Variants in TAFA2 observed in about 807,000 individuals in gnomAD.
TAFA2 encodes chemokine-like protein TAFA-2.
Under a neutral mutation model 18.8 loss-of-function variants are expected in TAFA2, and 7 were observed. The ratio of observed to expected loss-of-function variants is 0.37; its 90% CI spans 0.21 to 0.70. TAFA2 has a LOEUF of 0.70. Ranked by LOEUF, TAFA2 falls within the 30% of genes least tolerant of loss-of-function variation. The pLI, the probability that TAFA2 is intolerant of heterozygous loss-of-function variation, is 0.53. For missense variants in TAFA2, 122 were observed against 158.1 expected, an observed-to-expected ratio of 0.77 and a Z score of 1.23; for synonymous variants, 60 against 54.2, an observed-to-expected ratio of 1.11 and a Z score of -0.47.
intron 1 of TAFA2, among the ~76,000 whole-genome samples, chr12:61,979,427 T>C (rs1159000382): frequency 6.6e-6 from 1 of 151,960 alleles, no homozygotes; most frequent in African/African-American, 2.4e-5. Context: ...ATCATATGAA[T>C]AAAAAATGGA....
chr12:61,966,539 A>G (rs1298831575), intron 1 of TAFA2, among the ~76,000 whole-genome samples: 1 of 151,918 alleles, frequency 6.6e-6, no homozygotes, highest in African/African-American at 2.4e-5. Context: ...AAACCATACC[A>G]TTCACCAACA....
At chr12:62,106,276 G>A (rs750593252) in intron 1 of TAFA2, among the ~76,000 whole-genome samples, 33 of 152,114 alleles carry the variant, frequency 2.2e-4, no homozygotes, top group Non-Finnish European at 4.4e-4. Flanking sequence ...AGACATTGCA[G>A]TGAGCCGAGA....
At chr12:61,871,909 A>T (rs1318781171) in intron 1 of TAFA2, among the ~76,000 whole-genome samples, 1 of 152,166 alleles carries the variant, frequency 6.6e-6, no homozygotes, top group East Asian at 1.9e-4. Context: ...TGGCTAACAC[A>T]GTGAAACCCT....
intron 2 of TAFA2, among the ~76,000 whole-genome samples, chr12:61,784,997 TATATA>T (rs1291956950): frequency 6.6e-6 from 1 of 151,684 alleles, no homozygotes; most frequent in Non-Finnish European, 1.5e-5. Flanking sequence ...TATTTGAAAC[TATATA>T]ATATATTATT....
chr12:62,052,250 C>T (rs1170921012), intron 1 of TAFA2, among the ~76,000 whole-genome samples: 1 of 152,148 alleles, frequency 6.6e-6, no homozygotes, highest in Non-Finnish European at 1.5e-5. Context: ...GACTGGAAGG[C>T]AGTGGCATGA....
chr12:61,990,337 A>AT (rs71083969), intron 1 of TAFA2, among the ~76,000 whole-genome samples: 39,743 of 107,324 alleles, frequency 0.37, 8,277 homozygotes, highest in Middle Eastern at 0.42. Context: ...CACTGTGCCA[A>AT]TTTTTTTTTT....
At chr12:61,935,881 G>C (rs1242304956) in intron 1 of TAFA2, among the ~76,000 whole-genome samples, 1 of 150,966 alleles carries the variant, frequency 6.6e-6, no homozygotes, top group African/African-American at 2.4e-5. Flanking sequence ...CAAACAAAAA[G>C]ATCTCTGGAC....
intron 1 of TAFA2, among the ~76,000 whole-genome samples, chr12:62,119,276 T>C (rs1001405100): frequency 5.3e-5 from 8 of 152,122 alleles, no homozygotes; most frequent in Non-Finnish European, 8.8e-5. Context: ...TTATATAATG[T>C]TTTCTTAAAT....
At chr12:62,013,786 T>TA (rs1880843047) in intron 1 of TAFA2, among the ~76,000 whole-genome samples, 1 of 152,218 alleles carries the variant, frequency 6.6e-6, no homozygotes, top group African/African-American at 2.4e-5. Context: ...AGTGTAAATA[T>TA]AACAAACTAG....
rs1441153863 is a variant in TAFA2 at position 62,191,346 on chromosome 12, G to C, written c.-89C>G. On this transcript the variant is annotated 5_prime_UTR_variant, in exon 1 of 5. Transcript: ENST00000416284. The stretch of plus-strand genomic sequence containing the variant: ...GCGCCAGCCTTATCGCTCTCGCATC[G>C]CTTCCAAGATGCCAATCCGCCGTCA... 6.6e-6 allele frequency: 1 copy of C among 152,330 alleles called. No homozygotes were observed. Among genetic ancestry groups the C allele is most frequent in the Non-Finnish European group, 1.5e-5 (1 of 68,124 alleles). 9.4% of individuals were successfully genotyped at this position (152,330 alleles called of 1,614,324 possible).
intron 2 of TAFA2, among the ~76,000 whole-genome samples, chr12:61,852,412 ATG>A (rs1268449939): frequency 4.6e-5 from 7 of 152,156 alleles, no homozygotes. Flanking sequence ...ATAGGAAAAA[ATG>A]TGGCTGAGAA....
intron 1 of TAFA2, among the ~76,000 whole-genome samples, chr12:61,893,210 T>C (rs1282464632): frequency 6.6e-6 from 1 of 152,118 alleles, no homozygotes. Flanking sequence ...AGGGGTTGAA[T>C]AGGATGAGCT....
Position 61,815,579 on chromosome 12 carries a change from C to T in TAFA2, c.106+51741G>A, listed in dbSNP as rs1360204295. ...TCGGGAGGCTGAGGCGGGAGAATGG[C>T]GTGAACCCAGGAGGTGGAGCTTGCA... On this transcript the variant is annotated intron_variant, in intron 2 of 4. Transcript: ENST00000416284. Among the ~76,000 whole-genome samples the T allele has an allele frequency of 2.7e-5, 4 of 150,282 alleles. 1 individual carries two copies. Among genetic ancestry groups the T allele is most frequent in the South Asian group, 2.1e-4 (1 of 4,796 alleles).
At chr12:61,883,266 G>T (rs976273336) in intron 1 of TAFA2, among the ~76,000 whole-genome samples, 1 of 152,046 alleles carries the variant, frequency 6.6e-6, no homozygotes, top group Non-Finnish European at 1.5e-5. Flanking sequence ...GAATATAATG[G>T]CATTACCTTA....
At position 62,132,426 on chromosome 12, in the gene TAFA2, C is replaced by A. The variant is rs1025508037; in HGVS notation, c.-2+58833G>T. ...CCCTATCCCCAGCTCCAAGAGTGGTCTCTGATGTGTCTAAACCAGTTTTTT... is the reference window on the plus strand; with the variant it reads ...CCCTATCCCCAGCTCCAAGAGTGGTATCTGATGTGTCTAAACCAGTTTTTT... On this transcript the variant is annotated intron_variant, in intron 1 of 4. Transcript: ENST00000416284. Among the ~76,000 whole-genome samples, 3 of 151,826 alleles carry A rather than the reference C, an allele frequency of 2.0e-5. No homozygotes were observed. The East Asian group carries it at 5.8e-4, about 29-fold the overall frequency.
chr12:61,955,724 T>C (rs1878673513), intron 1 of TAFA2, among the ~76,000 whole-genome samples: 1 of 143,384 alleles, frequency 7.0e-6, no homozygotes, highest in Non-Finnish European at 1.5e-5. Context: ...AGGAGGGGTA[T>C]GTTTTTTTAA....
chr12:62,257,512 G>T (rs1423005588), intron 1 of TAFA2, among the ~76,000 whole-genome samples: 2 of 152,110 alleles, frequency 1.3e-5, no homozygotes, highest in Admixed American at 1.3e-4. Context: ...AAGCAGAGAG[G>T]TTTGGAATTA....
chr12:61,779,984 A>C (rs1178008320), intron 2 of TAFA2, among the ~76,000 whole-genome samples: 1 of 151,848 alleles, frequency 6.6e-6, no homozygotes, highest in Admixed American at 6.6e-5. Context: ...TCTAACCAGA[A>C]GTGTAAGTCA....
intron 1 of TAFA2, among the ~76,000 whole-genome samples, chr12:61,936,370 C>G (rs891383445): frequency 3.3e-5 from 5 of 152,072 alleles, no homozygotes; most frequent in Admixed American, 2.6e-4. Flanking sequence ...AGTTTGAGAC[C>G]AGCCTCACCA....
Sources: gnomAD v4.1 joint callset for allele counts (sites outside exome capture counted in the v4.1 genomes callset) on GRCh38, gnomAD v4.1.1 for gene constraint, MANE v1.5 for transcripts, NCBI Gene and HGNC (gene_info 2026-07-23, HGNC 2026-07-21) for gene names.